The following ANKRD31 variants were observed in gnomAD, a reference collection of about 807,000 sequenced individuals.
ANKRD31 encodes ankyrin repeat domain-containing protein 31.
In ANKRD31, 147 loss-of-function variants were observed where a neutral mutation model predicts 186.0. The ratio of observed to expected loss-of-function variants is 0.79; its 90% confidence interval spans 0.69 to 0.91. The LOEUF (loss-of-function observed/expected upper bound fraction) is 0.91. ANKRD31 is among the 40% of genes least tolerant of loss of function. The probability of loss-of-function intolerance (pLI) is 0.00; values close to 1 mark genes in which losing one functional copy is unlikely to be tolerated. For synonymous variants in ANKRD31, 673 were observed against 736.4 expected, an observed-to-expected ratio of 0.91 and a Z score of 1.39; for missense variants, 1,986 against 2,148.8, an observed-to-expected ratio of 0.92 and a Z score of 1.50.
At chr5:75,199,131 C>T in intron 6 of ANKRD31, among the ~76,000 whole-genome samples, 1 of 152,070 alleles carries the variant, frequency 6.6e-6, no homozygotes, top group Middle Eastern at 3.2e-3. Flanking sequence ...TCTCTTGAGC[C>T]CAGGAGTTCC....
intron 4 of ANKRD31, 130 bp from the exon 5 acceptor site, chr5:75,206,617 T>C (rs1756264809): frequency 5.3e-6 from 2 of 377,080 alleles, no homozygotes; most frequent in Non-Finnish European, 4.6e-6. Context: ...GCTATATCAT[T>C]CCAATTATTT....
chr5:75,125,250 T>G (rs1433214403), intron 17 of ANKRD31, among the ~76,000 whole-genome samples: 2 of 152,218 alleles, frequency 1.3e-5, no homozygotes, highest in African/African-American at 4.8e-5. Context: ...AATCTGCATT[T>G]GTACACCTTA....
intron 11 of ANKRD31, among the ~76,000 whole-genome samples, chr5:75,159,323 A>G (rs931370692): frequency 2.6e-5 from 4 of 152,180 alleles, no homozygotes; most frequent in African/African-American, 9.6e-5. Flanking sequence ...AAAATATTCA[A>G]AGAAATAATA....
At position 75,154,451 on chromosome 5, in the gene ANKRD31, ACT is replaced by A; in HGVS notation, c.1708-108_1708-107del. ...AACATCAAATATCTCTTTTGAAAATACTGTTTGGATTTATCTATAAATCCTTG... is the reference window on the plus strand; with the variant it reads ...AACATCAAATATCTCTTTTGAAAATAGTTTGGATTTATCTATAAATCCTTG... On this transcript the variant is annotated intron_variant, in intron 11 of 25. Transcript: ENST00000506364. 2.9e-6 allele frequency: 3 copies of A among 1,025,634 alleles called. No homozygotes were observed. The South Asian group carries it at 1.1e-4, about 37-fold the overall frequency. The allele number at this position is 1,025,634 out of a possible 1,614,324, so 63.5% of individuals were successfully genotyped here. A position where few individuals can be genotyped will look rare whatever the true frequency, so the allele number is the denominator to read the frequency against.
chr5:75,152,795 G>T (rs115999467), intron 12 of ANKRD31, among the ~76,000 whole-genome samples: 1,908 of 152,102 alleles, frequency 0.013, 34 homozygotes, highest in African/African-American at 0.044. Flanking sequence ...TAGGTAATAA[G>T]TGCTATGGGG....
At chr5:75,144,382 T>C (rs1196540872) in intron 14 of ANKRD31, among the ~76,000 whole-genome samples, 3 of 152,138 alleles carry the variant, frequency 2.0e-5, no homozygotes, top group Non-Finnish European at 2.9e-5. Context: ...TGAATAGACC[T>C]AACAATTTCC....
intron 12 of ANKRD31, 83 bp from the exon 13 acceptor site, chr5:75,148,711 C>A: frequency 4.1e-6 from 4 of 986,554 alleles, no homozygotes; most frequent in East Asian, 2.8e-5. Flanking sequence ...TCCTTTGCCA[C>A]GAGAAAACCA....
chr5:75,083,685 G>A (rs536630265), intron 24 of ANKRD31, among the ~76,000 whole-genome samples: 35 of 151,860 alleles, frequency 2.3e-4, no homozygotes, highest in Non-Finnish European at 3.8e-4. Context: ...AGCTGAGATT[G>A]TGCCATTGCA....
chr5:75,201,745 C>T (rs1470439323), intron 5 of ANKRD31, among the ~76,000 whole-genome samples: 1 of 152,138 alleles, frequency 6.6e-6, no homozygotes, highest in Non-Finnish European at 1.5e-5. Context: ...CCTCATTACA[C>T]CCTCCTCCCT....
intron 17 of ANKRD31, among the ~76,000 whole-genome samples, chr5:75,131,932 G>A (rs1749878857): frequency 1.3e-5 from 2 of 152,170 alleles, no homozygotes; most frequent in South Asian, 4.1e-4. Flanking sequence ...CTCCCAACAG[G>A]CCTGCAGCTG....
Position 75,068,632 on chromosome 5 carries a change from G to A in ANKRD31, c.5680C>T (p.Arg1894Cys), listed in dbSNP as rs1175694421. Residue 1894 changes from arginine to cysteine, a missense_variant, in exon 26 of 26, where the codon CGT becomes TGT. Arg to Cys is a radical substitution (Grantham distance 180). Transcript: ENST00000506364. ...TSRESMQSSPRYLQINEILLI... is the reference protein window; with the variant it reads ...TSRESMQSSPCYLQINEILLI... The stretch of plus-strand genomic sequence containing the variant: ...AGTATTTCATTTATTTGTAGATAAC[G>A]TGGGCTGCTTTGCATTGACTCTCTG... The A allele has an allele frequency of 5.9e-6, 9 of 1,521,400 alleles. No homozygotes were observed. In the South Asian group the frequency reaches 6.3e-5, roughly 11 times the overall value. The allele number at this position is 1,521,400 out of a possible 1,614,324, so 94.2% of individuals were successfully genotyped here.
At chr5:75,124,895 T>C (rs118114694) in intron 17 of ANKRD31, among the ~76,000 whole-genome samples, 1,550 of 152,252 alleles carry the variant, frequency 0.01, 72 homozygotes, top group East Asian at 0.076. Flanking sequence ...GATGGTTACA[T>C]TAAAAGCCCA....
chr5:75,210,850 C>T lies in ANKRD31; in HGVS notation c.304G>A (p.Glu102Lys), dbSNP rs1756582170. 2 of 1,514,024 alleles carry T rather than the reference C, an allele frequency of 1.3e-6. No homozygotes were observed. The highest frequency in any genetic ancestry group is 1.4e-5 in the African/African-American group (1 of 71,728). The allele number at this position is 1,514,024 out of a possible 1,614,324, so 93.8% of individuals were successfully genotyped here. A position where few individuals can be genotyped will look rare whatever the true frequency, so the allele number is the denominator to read the frequency against. Reference protein sequence around the residue: ...DTILQSQDETERNQALLQTRK... With the variant: ...DTILQSQDETKRNQALLQTRK... ...TACTGTAACAGAGCTTGATTTCGTT[C>T]TGTTTCATCTTGAGACTGCTAGGAA... The change falls in exon 4 of 26, where the codon GAA (glutamate) becomes AAA (lysine). Residue 102 changes from glutamate to lysine, a missense_variant. By Grantham distance (56) the Glu-to-Lys change is moderately conservative. Transcript: ENST00000506364.
At chr5:75,087,224 G>A (rs1196223857) in intron 23 of ANKRD31, among the ~76,000 whole-genome samples, 3 of 151,966 alleles carry the variant, frequency 2.0e-5, no homozygotes, top group Non-Finnish European at 4.4e-5. Flanking sequence ...AAATCTGTTC[G>A]TGGATGGCCA....
chr5:75,172,507 GAA>G (rs1346332787), intron 10 of ANKRD31, among the ~76,000 whole-genome samples: 4 of 151,720 alleles, frequency 2.6e-5, no homozygotes, highest in Admixed American at 6.6e-5. Context: ...TGATAAAGAA[GAA>G]AAGAGAGATG....
rs527322870 is a variant in ANKRD31 at position 75,101,520 on chromosome 5, T to C, written c.5331+2708A>G. 2.6e-5 allele frequency among the ~76,000 whole-genome samples: 4 copies of C among 152,328 alleles called. No individual in the cohort carries two copies. The East Asian group carries it at 7.7e-4, about 29-fold the overall frequency. ...TCCTGGATAATATCCTGAAGAGTGTTTTCCAACTTGGTTCCATTCTCCCTC... is the reference window on the plus strand; with the variant it reads ...TCCTGGATAATATCCTGAAGAGTGTCTTCCAACTTGGTTCCATTCTCCCTC... On this transcript the variant is annotated intron_variant, in intron 22 of 25. Coordinates refer to ENST00000506364, the MANE Select transcript of ANKRD31 (RefSeq NM_001372053.1).
At chr5:75,148,976 AAGGT>A (rs1751675800) in intron 12 of ANKRD31, among the ~76,000 whole-genome samples, 1 of 151,888 alleles carries the variant, frequency 6.6e-6, no homozygotes, top group Admixed American at 6.6e-5. Context: ...CTACTTTTAT[AAGGT>A]GAAAAATTAT....
intron 17 of ANKRD31, among the ~76,000 whole-genome samples, chr5:75,121,315 G>C (rs889169328): frequency 6.6e-6 from 1 of 152,014 alleles, no homozygotes; most frequent in Non-Finnish European, 1.5e-5. Context: ...TAAAACAAAT[G>C]TTACTAAACC....
chr5:75,179,800 G>T (rs1421972086), intron 10 of ANKRD31, among the ~76,000 whole-genome samples: 2 of 152,074 alleles, frequency 1.3e-5, no homozygotes, highest in Non-Finnish European at 2.9e-5. Flanking sequence ...AAAACTAGAA[G>T]CATTCTCCTT....
Sources: gnomAD v4.1 joint callset for allele counts (sites outside exome capture counted in the v4.1 genomes callset) on GRCh38, gnomAD v4.1.1 for gene constraint, MANE v1.5 for transcripts, NCBI Gene and HGNC (gene_info 2026-07-23, HGNC 2026-07-21) for gene names.